CRTC1: variants seen among roughly 807,000 people sequenced by gnomAD.
The protein encoded by CRTC1 is CREB-regulated transcription coactivator 1.
CRTC1 carries 18 observed loss-of-function variants against 66.1 expected under a neutral mutation model. The observed-to-expected ratio is 0.27, with a 90% CI of 0.19 to 0.40. CRTC1 has a LOEUF of 0.40. Among genes scored for constraint, CRTC1 ranks in the 10% least tolerant of loss-of-function variants. The pLI, the probability that CRTC1 is intolerant of heterozygous loss-of-function variation, is 1.00. For synonymous variants in CRTC1, 416 were observed against 398.8 expected (o/e 1.04, Z -0.51); for missense variants, 669 against 887.9 (o/e 0.75, Z 3.13).
chr19:18,714,850 C>T (rs929856495), intron 1 of CRTC1, among the ~76,000 whole-genome samples: 1 of 152,244 alleles, frequency 6.6e-6, no homozygotes, highest in African/African-American at 2.4e-5. Flanking sequence ...TGCTCCCTTG[C>T]CCTCCCTCAG....
chr19:18,747,010 G>A (rs761324426), intron 3 of CRTC1, 43 bp from the exon 4 acceptor site: 15 of 1,586,618 alleles, frequency 9.5e-6, no homozygotes, highest in Non-Finnish European at 1.1e-5. Context: ...GTTGTTGGAG[G>A]CGGGGTCTCA....
intron 1 of CRTC1, among the ~76,000 whole-genome samples, chr19:18,724,081 G>A (rs1385498977): frequency 6.6e-6 from 1 of 152,174 alleles, no homozygotes; most frequent in Non-Finnish European, 1.5e-5. Flanking sequence ...AGTTGAGAGA[G>A]CGACACCGTG....
At chr19:18,769,248 TG>T (rs976949263) in intron 10 of CRTC1, among the ~76,000 whole-genome samples, 1 of 152,234 alleles carries the variant, frequency 6.6e-6, no homozygotes, top group Non-Finnish European at 1.5e-5. Context: ...GGCCCAGGGC[TG>T]GGGGCTGCAG....
intron 1 of CRTC1, among the ~76,000 whole-genome samples, chr19:18,734,040 T>A (rs1311805625): frequency 6.6e-6 from 1 of 151,908 alleles, no homozygotes. Context: ...AGGTGGAGGT[T>A]GCAGTGAGTC....
chr19:18,737,901 T>G (rs930205935), intron 1 of CRTC1, among the ~76,000 whole-genome samples: 1 of 152,296 alleles, frequency 6.6e-6, no homozygotes, highest in African/African-American at 2.4e-5. Context: ...TTTCTTTTCT[T>G]TAGCTTTATT....
chr19:18,735,189 G>T (rs1252499933), intron 1 of CRTC1, among the ~76,000 whole-genome samples: 6 of 152,178 alleles, frequency 3.9e-5, no homozygotes, highest in Admixed American at 1.3e-4. Context: ...TGCAGCCTCC[G>T]ACATCACTTG....
intron 1 of CRTC1, among the ~76,000 whole-genome samples, chr19:18,714,672 C>T (rs2145598015): frequency 6.6e-6 from 1 of 152,320 alleles, no homozygotes; most frequent in African/African-American, 2.4e-5. Flanking sequence ...GGCTACTGGC[C>T]AGCTTGTGCT....
intron 1 of CRTC1, among the ~76,000 whole-genome samples, chr19:18,710,279 T>C (rs1025870240): frequency 2.0e-5 from 3 of 152,208 alleles, no homozygotes; most frequent in African/African-American, 7.2e-5. Flanking sequence ...CCAGCACAGC[T>C]TGTCCTGGGC....
At chr19:18,707,450 T>C (rs2053291715) in intron 1 of CRTC1, among the ~76,000 whole-genome samples, 1 of 152,198 alleles carries the variant, frequency 6.6e-6, no homozygotes, top group Non-Finnish European at 1.5e-5. Flanking sequence ...TTCTATTCCA[T>C]TGGTCTTGAT....
Position 18,765,533 on chromosome 19 carries a change from G to A in CRTC1, c.1011+5G>A, listed in dbSNP as rs2054711121. 1.9e-6 allele frequency: 3 copies of A among 1,600,390 alleles called. No homozygotes were observed. Among genetic ancestry groups the A allele is most frequent in the Non-Finnish European group, 2.6e-6 (3 of 1,176,420 alleles). Reference sequence around the variant, plus strand: ...CCGCTGTCACCCATCACTCAGGTGCGAGGGCAAGGTGGGGGGCAGGTGGGA... The same window carrying A: ...CCGCTGTCACCCATCACTCAGGTGCAAGGGCAAGGTGGGGGGCAGGTGGGA... On this transcript the variant is annotated splice_donor_5th_base_variant and intron_variant, in intron 9 of 13. Transcript: ENST00000321949.
chr19:18,749,943 A>T, intron 5 of CRTC1, 68 bp downstream of exon 5: 1 of 1,253,298 alleles, frequency 8.0e-7, no homozygotes, highest in Non-Finnish European at 1.2e-6. Context: ...CCTGTTCTCC[A>T]GGAGGTCACA....
chr19:18,757,880 T>C (rs1158865336), intron 6 of CRTC1, among the ~76,000 whole-genome samples: 6 of 149,126 alleles, frequency 4.0e-5, no homozygotes, highest in Non-Finnish European at 8.9e-5. Context: ...TAGCCGGGCG[T>C]GGTGGCGGGT....
intron 1 of CRTC1, among the ~76,000 whole-genome samples, chr19:18,708,904 A>C (rs1437940973): frequency 6.6e-6 from 1 of 152,198 alleles, no homozygotes; most frequent in Non-Finnish European, 1.5e-5. Flanking sequence ...CAGTTCAGGC[A>C]GCCGTGTGGC....
chr19:18,753,625 T>C lies in CRTC1; in HGVS notation c.624+40T>C, dbSNP rs1390826021. ...GCTTTCAAAAACTTTTTTTCTTCTT[T>C]CTCTTCTCAAGCATCACCTGGGCAA... On this transcript the variant is annotated intron_variant, in intron 6 of 13. Transcript: ENST00000321949. The C allele has an allele frequency of 2.0e-6, 3 of 1,492,732 alleles. No homozygotes were observed. In the Admixed American group the frequency reaches 5.4e-5, roughly 27 times the overall value. 92.5% of individuals were successfully genotyped at this position (1,492,732 alleles called of 1,614,324 possible).
At chr19:18,720,524 T>TA (rs1164371643) in intron 1 of CRTC1, among the ~76,000 whole-genome samples, 12 of 118,476 alleles carry the variant, frequency 1.0e-4, no homozygotes, top group African/African-American at 4.7e-4. Context: ...TAATTTTTAG[T>TA]GTTTTTTTTT....
intron 1 of CRTC1, among the ~76,000 whole-genome samples, chr19:18,698,504 C>T (rs739848): frequency 0.2 from 29,925 of 146,216 alleles, 3,003 homozygotes; most frequent in East Asian, 0.27. Flanking sequence ...ACTCAGCAGG[C>T]GCTCAGCAGG....
intron 1 of CRTC1, among the ~76,000 whole-genome samples, chr19:18,723,290 A>G (rs570860751): frequency 6.6e-6 from 1 of 152,208 alleles, no homozygotes; most frequent in Admixed American, 6.5e-5. Flanking sequence ...TTGTTTATCC[A>G]TTTATTTGGT....
chr19:18,713,330 T>G (rs942219776), intron 1 of CRTC1, among the ~76,000 whole-genome samples: 4 of 152,380 alleles, frequency 2.6e-5, no homozygotes, highest in African/African-American at 9.6e-5. Flanking sequence ...TTGGCTGTTA[T>G]GAACAGAGCT....
intron 1 of CRTC1, among the ~76,000 whole-genome samples, chr19:18,694,368 T>C (rs2052934032): frequency 6.6e-6 from 1 of 151,844 alleles, no homozygotes; most frequent in Non-Finnish European, 1.5e-5. Context: ...ACCCACTGAA[T>C]TGATAACTTA....
Sources: gnomAD v4.1 joint callset for allele counts (sites outside exome capture counted in the v4.1 genomes callset) on GRCh38, gnomAD v4.1.1 for gene constraint, MANE v1.5 for transcripts, NCBI Gene and HGNC (gene_info 2026-07-23, HGNC 2026-07-21) for gene names.